GHR: variants seen among roughly 807,000 people sequenced by gnomAD.
GHR encodes the protein growth hormone receptor.
In GHR, 35 loss-of-function variants were observed where a neutral mutation model predicts 67.1. That is an observed-to-expected ratio of 0.52 (90% CI 0.40 to 0.69). GHR has a LOEUF of 0.69. GHR is among the 30% of genes least tolerant of loss of function. The pLI is 0.00. For missense variants in GHR, 792 were observed against 764.6 expected (o/e 1.04, Z -0.42); for synonymous variants, 272 against 269.1 (o/e 1.01, Z -0.10).
chr5:42,467,329 T>C, intron 1 of GHR: 1 of 1,080,134 alleles, frequency 9.3e-7, no homozygotes, highest in Admixed American at 1.7e-5. Context: ...GCTTCGCTGA[T>C]GTACAATAAG....
chr5:42,437,670 C>A (rs1376016336), intron 1 of GHR, among the ~76,000 whole-genome samples: 1 of 151,796 alleles, frequency 6.6e-6, no homozygotes, highest in Admixed American at 6.6e-5. Flanking sequence ...GCCTCTGCCT[C>A]CTGAGTAGGT....
chr5:42,651,504 G>A (rs909284620), intron 3 of GHR, among the ~76,000 whole-genome samples: 1 of 152,142 alleles, frequency 6.6e-6, no homozygotes, highest in Non-Finnish European at 1.5e-5. Flanking sequence ...GCTTCTCTCA[G>A]CCATACCATA....
At chr5:42,670,830 TATA>T (rs905841365) in intron 3 of GHR, among the ~76,000 whole-genome samples, 1 of 136,778 alleles carries the variant, frequency 7.3e-6, no homozygotes, top group African/African-American at 2.7e-5. Context: ...AAACTTAAAG[TATA>T]ATAATAATTT....
chr5:42,684,945 A>T (rs1757066831), intron 3 of GHR, among the ~76,000 whole-genome samples: 1 of 151,312 alleles, frequency 6.6e-6, no homozygotes, highest in African/African-American at 2.4e-5. Context: ...TTTTCTTTTT[A>T]TTATTATTAT....
intron 1 of GHR, among the ~76,000 whole-genome samples, chr5:42,484,769 A>G (rs1355991426): frequency 6.6e-6 from 1 of 152,210 alleles, no homozygotes; most frequent in African/African-American, 2.4e-5. Flanking sequence ...GTTAATCAAA[A>G]GCTCATTGTA....
chr5:42,536,946 C>T (rs937848078), intron 1 of GHR, among the ~76,000 whole-genome samples: 3 of 152,034 alleles, frequency 2.0e-5, no homozygotes, highest in Admixed American at 1.3e-4. Flanking sequence ...AGTTTACGTG[C>T]ACAAAGGTGT....
chr5:42,509,818 A>G (rs1746934726), intron 1 of GHR, among the ~76,000 whole-genome samples: 1 of 152,012 alleles, frequency 6.6e-6, no homozygotes, highest in African/African-American at 2.4e-5. Flanking sequence ...TTACAAATTA[A>G]GCCACAAGCT....
At chr5:42,588,650 C>T (rs1751620512) in intron 2 of GHR, among the ~76,000 whole-genome samples, 1 of 151,000 alleles carries the variant, frequency 6.6e-6, no homozygotes, top group Non-Finnish European at 1.5e-5. Flanking sequence ...CATTGGTTGA[C>T]TCTAATGAGA....
intron 1 of GHR, chr5:42,467,799 A>G: frequency 2.1e-6 from 3 of 1,452,140 alleles, no homozygotes; most frequent in Non-Finnish European, 2.9e-6. Flanking sequence ...ACATGCTACA[A>G]TGTAAAAGAC....
intron 3 of GHR, among the ~76,000 whole-genome samples, chr5:42,645,952 C>T (rs983786917): frequency 1.3e-5 from 2 of 152,152 alleles, no homozygotes; most frequent in East Asian, 3.9e-4. Context: ...TGATTCATTA[C>T]TTGGCCTTCT....
At position 42,718,355 on chromosome 5, in the gene GHR, T is replaced by C. The variant is rs1329754090; in HGVS notation, c.946-98T>C. 3 of 948,606 alleles carry C rather than the reference T, an allele frequency of 3.2e-6. No homozygotes were observed. The African/African-American group carries it at 4.9e-5, about 16-fold the overall frequency. The allele number at this position is 948,606 out of a possible 1,614,324, so 58.8% of individuals were successfully genotyped here. ...TTTATATGTTTTGTTACTGTTGTTC[T>C]TATTGTAACCATAATTAATCTCTGA... On this transcript the variant is annotated intron_variant, in intron 9 of 9. Transcript: ENST00000230882.
chr5:42,430,497 T>A (rs181291398), intron 1 of GHR, among the ~76,000 whole-genome samples: 13 of 152,142 alleles, frequency 8.5e-5, no homozygotes, highest in Admixed American at 7.2e-4. Context: ...AACAAACCTG[T>A]GATATAAACT....
chr5:42,597,950 A>G (rs1381157434), intron 2 of GHR, among the ~76,000 whole-genome samples: 1 of 152,240 alleles, frequency 6.6e-6, no homozygotes, highest in East Asian at 1.9e-4. Context: ...TGCAGAAATG[A>G]AGCAGAAATT....
intron 1 of GHR, among the ~76,000 whole-genome samples, chr5:42,499,679 T>G (rs1163944514): frequency 6.6e-6 from 1 of 152,192 alleles, no homozygotes; most frequent in African/African-American, 2.4e-5. Context: ...ACTTAGGGAA[T>G]CAAGTTCAGG....
rs200745686 is a variant in GHR, at chr5:42,718,637, T to C, written c.1130T>C (p.Leu377Pro). 3 of 1,614,050 alleles carry C rather than the reference T, an allele frequency of 1.9e-6. No homozygotes were observed. The highest frequency in any genetic ancestry group is 1.7e-5 in the Admixed American group (1 of 60,004). The stretch of plus-strand genomic sequence containing the variant: ...GACCATGAGAAATCACATAGTAACC[T>C]AGGGGTGAAGGATGGCGACTCTGGA... ...SSDHEKSHSNLGVKDGDSGRT... is the reference protein window; with the variant it reads ...SSDHEKSHSNPGVKDGDSGRT... The change falls in exon 10 of 10, where the codon CTA becomes CCA. Residue 377 changes from leucine (L) to proline (P), a missense_variant. Leu to Pro is a moderately conservative substitution (Grantham distance 98). Coordinates refer to ENST00000230882, the MANE Select transcript of GHR (RefSeq NM_000163.5).
chr5:42,637,922 C>T (rs113405492), intron 3 of GHR, among the ~76,000 whole-genome samples: 9 of 152,068 alleles, frequency 5.9e-5, no homozygotes, highest in African/African-American at 1.9e-4. Context: ...TTCCCACCAG[C>T]AGCTATAATA....
chr5:42,672,110 T>A (rs1015625197), intron 3 of GHR, among the ~76,000 whole-genome samples: 9 of 152,132 alleles, frequency 5.9e-5, no homozygotes, highest in African/African-American at 1.9e-4. Flanking sequence ...TCTCACCTGT[T>A]GTATTCATGA....
intron 2 of GHR, among the ~76,000 whole-genome samples, chr5:42,592,255 G>GT (rs754485956): frequency 2.6e-4 from 39 of 152,014 alleles, no homozygotes; most frequent in Non-Finnish European, 4.7e-4. Flanking sequence ...CATCTCCCAT[G>GT]TTTTTTTAAT....
intron 3 of GHR, among the ~76,000 whole-genome samples, chr5:42,663,753 C>G (rs954345943): frequency 2.0e-5 from 3 of 151,958 alleles, no homozygotes; most frequent in Admixed American, 1.3e-4. Context: ...AGGGCAATTA[C>G]GCAGGAGAAG....
Sources: gnomAD v4.1 joint callset for allele counts (sites outside exome capture counted in the v4.1 genomes callset) on GRCh38, gnomAD v4.1.1 for gene constraint, MANE v1.5 for transcripts, NCBI Gene and HGNC (gene_info 2026-07-23, HGNC 2026-07-21) for gene names.